The following PCM1 variants were observed in gnomAD, a reference collection of about 807,000 sequenced individuals.
The protein encoded by PCM1 is pericentriolar material 1 protein.
A neutral mutation model predicts 241.9 loss-of-function variants in PCM1; 157 were observed. That is an observed-to-expected ratio of 0.65 (90% CI 0.57 to 0.74). PCM1 has a LOEUF of 0.74. Among genes scored for constraint, PCM1 ranks in the 30% least tolerant of loss-of-function variants. The pLI is 0.00. For missense variants in PCM1, 3,478 were observed against 2,360.1 expected (o/e 1.47, Z -9.81); for synonymous variants, 1,085 against 784.9 (o/e 1.38, Z -6.39).
chr8:17,953,484 T>C (rs1049312934), intron 9 of PCM1, among the ~76,000 whole-genome samples: 1 of 152,176 alleles, frequency 6.6e-6, no homozygotes, highest in African/African-American at 2.4e-5. Flanking sequence ...CGTGGACATA[T>C]TAATACTTTG....
At chr8:17,986,978 C>T (rs73573610) in intron 26 of PCM1, among the ~76,000 whole-genome samples, 5,422 of 151,860 alleles carry the variant, frequency 0.036, 149 homozygotes, top group African/African-American at 0.068. Context: ...TTTTCAGATA[C>T]AGTAATTTCT....
At chr8:17,999,146 T>C (rs2088197219) in intron 29 of PCM1, among the ~76,000 whole-genome samples, 2 of 152,078 alleles carry the variant, frequency 1.3e-5, no homozygotes, top group African/African-American at 4.8e-5. Context: ...TCTACCCCAC[T>C]GTGATCGCTC....
intron 36 of PCM1, among the ~76,000 whole-genome samples, chr8:18,018,122 T>C (rs139923554): frequency 6.6e-6 from 1 of 152,318 alleles, no homozygotes; most frequent in Non-Finnish European, 1.5e-5. Context: ...TGAACCAGTC[T>C]AAATGACAGT....
chr8:17,967,212 T>C (rs1194954120), intron 21 of PCM1, 42 bp downstream of exon 21: 1 of 1,415,572 alleles, frequency 7.1e-7, no homozygotes, highest in Admixed American at 2.1e-5. Flanking sequence ...AAAAGCAAAG[T>C]GTTTGGAACA....
chr8:17,925,545 T>G (rs2056590933), intron 2 of PCM1: 1 of 152,230 alleles, frequency 6.6e-6, no homozygotes, highest in South Asian at 2.1e-4. Context: ...TTGAAAGTTT[T>G]GTAGAAATTG....
chr8:17,982,270 A>G (rs567016957), intron 24 of PCM1, among the ~76,000 whole-genome samples: 1 of 152,290 alleles, frequency 6.6e-6, no homozygotes, highest in South Asian at 2.1e-4. Flanking sequence ...TCTACCAAAT[A>G]GTGATATCTT....
intron 1 of PCM1, among the ~76,000 whole-genome samples, chr8:17,924,018 C>T (rs1350003392): frequency 9.9e-6 from 1 of 100,972 alleles, no homozygotes; most frequent in Non-Finnish European, 2.3e-5. Context: ...TTTTTTTGAG[C>T]GAGTTGAGGT....
intron 30 of PCM1, among the ~76,000 whole-genome samples, chr8:18,006,958 TAGAGACCAGGA>T (rs2091502175): frequency 6.6e-6 from 1 of 152,080 alleles, no homozygotes; most frequent in Non-Finnish European, 1.5e-5. Context: ...AACTAATGGG[TAGAGACCAGGA>T]AGAATCTTGA....
intron 4 of PCM1, among the ~76,000 whole-genome samples, chr8:17,937,985 A>G (rs148287086): frequency 5.3e-4 from 81 of 152,264 alleles, no homozygotes; most frequent in African/African-American, 1.3e-3. Context: ...ACTTAACTGT[A>G]TATCAGGCAC....
chr8:17,996,610 ATTTC>A (rs1222237585), intron 29 of PCM1, among the ~76,000 whole-genome samples: 2 of 150,402 alleles, frequency 1.3e-5, no homozygotes, highest in East Asian at 2.0e-4. Flanking sequence ...GATCTTTATT[ATTTC>A]TTCTATTTTG....
chr8:18,012,744 G>C (rs1345691981), intron 34 of PCM1, among the ~76,000 whole-genome samples: 1 of 152,108 alleles, frequency 6.6e-6, no homozygotes, highest in South Asian at 2.1e-4. Context: ...GTAATTATCA[G>C]ATATTATTAG....
chr8:17,950,644 G>T lies in PCM1; in HGVS notation c.991G>T (p.Gly331Cys), dbSNP rs962521266. ...TGCAGAAACTGCAGGTAGCTTATCT[G>T]GCGTCAGTATCACATCTGAACTAAA... ...VVAETAGSLSGVSITSELNEE... is the reference protein window; with the variant it reads ...VVAETAGSLSCVSITSELNEE... The change falls in exon 8 of 39, where the codon GGC becomes TGC. Residue 331 changes from glycine to cysteine, a missense_variant. Coordinates refer to ENST00000325083, the MANE Select transcript of PCM1 (RefSeq NM_006197.4). 2 of 1,603,984 alleles carry T rather than the reference G, an allele frequency of 1.2e-6. No homozygotes were observed. Among genetic ancestry groups the T allele is most frequent in the Non-Finnish European group, 1.7e-6 (2 of 1,173,754 alleles).
intron 30 of PCM1, among the ~76,000 whole-genome samples, chr8:18,009,088 A>T (rs909636904): frequency 1.3e-5 from 2 of 151,910 alleles, no homozygotes. Context: ...AATAGAACTA[A>T]TGTTTACTTT....
chr8:18,010,500 C>T, intron 31 of PCM1, 109 bp from the exon 32 acceptor site: 1 of 720,290 alleles, frequency 1.4e-6, no homozygotes, highest in Middle Eastern at 2.4e-4. Context: ...GTAATACAGG[C>T]CAGGCTTAGG....
At chr8:17,936,781 C>T (rs1028067655) in intron 3 of PCM1, among the ~76,000 whole-genome samples, 7 of 151,874 alleles carry the variant, frequency 4.6e-5, no homozygotes, top group Non-Finnish European at 1.0e-4. Flanking sequence ...TATAGGAGAT[C>T]GGTAAAGGTA....
At position 17,952,960 on chromosome 8, in the gene PCM1, T is replaced by G; in HGVS notation, c.1072-10T>G. On this transcript the variant is annotated splice_polypyrimidine_tract_variant and intron_variant, in intron 8 of 38. Coordinates refer to ENST00000325083, the MANE Select transcript of PCM1 (RefSeq NM_006197.4). ...TTAATTCTTCTTTTTTGTTGTTTTT[T>G]TTTAATAAGCCTCCAGCTGTTCCAG... The G allele has an allele frequency of 6.6e-7, 1 of 1,512,792 alleles. No homozygotes were observed. The highest frequency in any genetic ancestry group is 8.9e-7 in the Non-Finnish European group (1 of 1,125,722). The allele number at this position is 1,512,792 out of a possible 1,614,324, so 93.7% of individuals were successfully genotyped here.
At position 18,025,373 on chromosome 8, in the gene PCM1, G is replaced by C; in HGVS notation, c.5854G>C (p.Gly1952Arg). Residue 1952 changes from glycine to arginine, a missense_variant, in exon 37 of 39, where the codon GGT becomes CGT. Coordinates refer to ENST00000325083, the MANE Select transcript of PCM1 (RefSeq NM_006197.4). ...VLVNDYEAES[G>R]NISQKSDEED... Reference sequence around the variant, plus strand: ...CATTACATTACAGGAAGCAGAATCTGGTAATATAAGTCAAAAGTCTGATGA... The same window carrying C: ...CATTACATTACAGGAAGCAGAATCTCGTAATATAAGTCAAAAGTCTGATGA... The C allele has an allele frequency of 6.3e-7, 1 of 1,580,056 alleles. No individual in the cohort carries two copies. The highest frequency in any genetic ancestry group is 8.7e-7 in the Non-Finnish European group (1 of 1,154,046).
chr8:17,932,637 T>C (rs1262352108), intron 2 of PCM1, among the ~76,000 whole-genome samples: 1 of 152,070 alleles, frequency 6.6e-6, no homozygotes, highest in Non-Finnish European at 1.5e-5. Context: ...GATTTTTTTT[T>C]CTCCCAAGCT....
At position 18,027,639 on chromosome 8, in the gene PCM1, A is replaced by G. The variant is rs1475630060; in HGVS notation, c.6052A>G (p.Thr2018Ala). ...GNSETLKEPE[T>A]VGAQSI ...AGCATTTTTATTCTGTTTTTCAGAA[A>G]CGGTGGGAGCCCAGAGTATATGAGA... is the stretch of plus-strand genomic sequence containing the variant. Residue 2018 changes from threonine to alanine, a missense_variant and splice_region_variant, in exon 39 of 39, where the codon ACG (threonine) becomes GCG (alanine). Physicochemically the swap from Thr to Ala is moderately conservative, Grantham distance 58. Coordinates refer to ENST00000325083, the MANE Select transcript of PCM1 (RefSeq NM_006197.4). The G allele has an allele frequency of 1.5e-5, 24 of 1,575,862 alleles. No homozygotes were observed. The highest frequency in any genetic ancestry group is 2.1e-5 in the Non-Finnish European group (24 of 1,153,518).
Sources: gnomAD v4.1 joint callset for allele counts (sites outside exome capture counted in the v4.1 genomes callset) on GRCh38, gnomAD v4.1.1 for gene constraint, MANE v1.5 for transcripts, NCBI Gene and HGNC (gene_info 2026-07-23, HGNC 2026-07-21) for gene names.